The following NIN variants were observed in gnomAD, a reference collection of about 807,000 sequenced individuals.
NIN encodes ninein.
NIN carries 137 observed loss-of-function variants against 257.6 expected under a neutral mutation model. The observed-to-expected ratio is 0.53, with a 90% CI of 0.46 to 0.61. The LOEUF (loss-of-function observed/expected upper bound fraction) is 0.61, where lower values mean the gene tolerates loss of function less well. NIN is among the 20% of genes least tolerant of loss of function. NIN has a pLI of 0.00. For synonymous variants in NIN, 918 were observed against 919.8 expected, an observed-to-expected ratio of 1.00 and a Z score of 0.04; for missense variants, 2,439 against 2,501.2, an observed-to-expected ratio of 0.98 and a Z score of 0.53.
intron 7 of NIN, among the ~76,000 whole-genome samples, chr14:50,776,620 G>A (rs1370291209): frequency 6.6e-6 from 1 of 152,154 alleles, no homozygotes; most frequent in Non-Finnish European, 1.5e-5. Flanking sequence ...GCCTCCACAT[G>A]TTTCCCACAA....
At chr14:50,725,238 C>G (rs76315526) in intron 30 of NIN, among the ~76,000 whole-genome samples, 2 of 151,936 alleles carry the variant, frequency 1.3e-5, no homozygotes, top group Admixed American at 1.3e-4. Context: ...GCATTTTCTG[C>G]CCCCCACCCC....
chr14:50,743,142 T>A (rs936880824), intron 24 of NIN, among the ~76,000 whole-genome samples: 19 of 151,640 alleles, frequency 1.3e-4, no homozygotes, highest in African/African-American at 4.4e-4. Flanking sequence ...TTTTTTTTTT[T>A]AATTTTTAGT....
At position 50,757,367 on chromosome 14, in the gene NIN, T is replaced by A. The variant is rs1316649238; in HGVS notation, c.3663A>T (p.Lys1221Asn). Reference protein sequence around the residue: ...CADCDRASEKKQDLLFDVSVL... With the variant: ...CADCDRASEKNQDLLFDVSVL... Reference sequence around the variant, plus strand: ...CAGAAACATCAAAAAGTAGGTCCTGTTTCTTTTCAGAAGCTCGATCACAGT... The same window carrying A: ...CAGAAACATCAAAAAGTAGGTCCTGATTCTTTTCAGAAGCTCGATCACAGT... The change falls in exon 18 of 31, where the codon AAA becomes AAT. Residue 1221 changes from lysine to asparagine, a missense_variant. Physicochemically the swap from Lys to Asn is moderately conservative, Grantham distance 94. Transcript: ENST00000530997. 3 of 1,613,974 alleles carry A rather than the reference T, an allele frequency of 1.9e-6. No individual in the cohort carries two copies. The highest frequency in any genetic ancestry group is 2.5e-6 in the Non-Finnish European group (3 of 1,179,992).
At chr14:50,770,784 C>A in intron 11 of NIN, 68 bp downstream of exon 11, 4 of 1,539,600 alleles carry the variant, frequency 2.6e-6, no homozygotes, top group Non-Finnish European at 3.5e-6. Context: ...TCTGCCCCTG[C>A]AGCTGCAGGC....
At chr14:50,769,897 T>C (rs1372686165) in intron 12 of NIN, among the ~76,000 whole-genome samples, 2 of 148,492 alleles carry the variant, frequency 1.3e-5, no homozygotes, top group African/African-American at 5.0e-5. Flanking sequence ...AAGTTATAAC[T>C]GCACCGCTGC....
chr14:50,829,746 C>T (rs2045614515), intron 2 of NIN, among the ~76,000 whole-genome samples: 1 of 152,172 alleles, frequency 6.6e-6, no homozygotes, highest in South Asian at 2.1e-4. Flanking sequence ...GGTGCCTTCA[C>T]CTCGGGTTGT....
At position 50,743,407 on chromosome 14, in the gene NIN, T is replaced by C; in HGVS notation, c.5301+9A>G. On this transcript the variant is annotated intron_variant, in intron 24 of 30. Transcript: ENST00000530997. ...AACCGTGAAGATGAAACAAGAATTG[T>C]CCATGTACCTTTTCCTGAGAAGCCA... 1 of 1,530,522 alleles carries C rather than the reference T, an allele frequency of 6.5e-7. No individual in the cohort carries two copies. Among genetic ancestry groups the C allele is most frequent in the Non-Finnish European group, 9.1e-7 (1 of 1,103,722 alleles). 94.8% of individuals were successfully genotyped at this position (1,530,522 alleles called of 1,614,324 possible).
At chr14:50,817,943 T>A (rs111626816) in intron 3 of NIN, among the ~76,000 whole-genome samples, 221 of 151,862 alleles carry the variant, frequency 1.5e-3, no homozygotes, top group Middle Eastern at 6.8e-3. Context: ...CTCGAATTCC[T>A]GAGCTCCGGC....
At chr14:50,793,517 A>G (rs2043694315) in intron 4 of NIN, among the ~76,000 whole-genome samples, 2 of 152,200 alleles carry the variant, frequency 1.3e-5, no homozygotes, top group Admixed American at 6.5e-5. Context: ...ATAAAATAGC[A>G]AATGTGAAAC....
At chr14:50,820,002 T>C (rs866736760) in intron 3 of NIN, among the ~76,000 whole-genome samples, 1 of 152,218 alleles carries the variant, frequency 6.6e-6, no homozygotes, top group Non-Finnish European at 1.5e-5. Flanking sequence ...TAATAGCATA[T>C]GGCCAAGTCT....
chr14:50,723,836 G>T, intron 30 of NIN, 164 bp from the exon 31 acceptor site: 2 of 605,106 alleles, frequency 3.3e-6, no homozygotes, highest in Non-Finnish European at 5.8e-6. Context: ...TTGGCATCAG[G>T]GACACCATTG....
At chr14:50,767,255 C>T (rs1036157655) in intron 12 of NIN, among the ~76,000 whole-genome samples, 2 of 152,070 alleles carry the variant, frequency 1.3e-5, no homozygotes, top group African/African-American at 4.8e-5. Context: ...TTTTTGTATA[C>T]TGATAATGTG....
chr14:50,753,453 T>C (rs892164319), intron 20 of NIN, among the ~76,000 whole-genome samples: 1 of 152,230 alleles, frequency 6.6e-6, no homozygotes, highest in African/African-American at 2.4e-5. Flanking sequence ...CACCACATAC[T>C]ACTTTTTACT....
At chr14:50,811,254 G>A (rs1168928831) in intron 3 of NIN, among the ~76,000 whole-genome samples, 22 of 151,698 alleles carry the variant, frequency 1.5e-4, no homozygotes, top group Non-Finnish European at 1.3e-4. Context: ...GATTACAGGC[G>A]CCCACCACCA....
chr14:50,763,721 TTTTTTTC>T (rs1169592349), intron 15 of NIN, 98 bp downstream of exon 15: 1 of 990,062 alleles, frequency 1.0e-6, no homozygotes, highest in African/African-American at 1.6e-5. Context: ...TTCTTTTTTT[TTTTTTTC>T]TTTTTTCAAG....
chr14:50,820,708 C>T (rs1390135701), intron 3 of NIN, among the ~76,000 whole-genome samples: 2 of 152,148 alleles, frequency 1.3e-5, no homozygotes, highest in East Asian at 1.9e-4. Context: ...AACCCTCCCC[C>T]CGCCACAAGA....
intron 15 of NIN, among the ~76,000 whole-genome samples, chr14:50,762,555 A>C (rs2042314854): frequency 6.6e-6 from 1 of 152,200 alleles, no homozygotes; most frequent in African/African-American, 2.4e-5. Context: ...ATTTTAAAAA[A>C]CAGGGCATAG....
intron 3 of NIN, among the ~76,000 whole-genome samples, chr14:50,809,759 A>G (rs946326655): frequency 6.6e-6 from 1 of 152,238 alleles, no homozygotes; most frequent in Non-Finnish European, 1.5e-5. Flanking sequence ...ATTAACTTCC[A>G]AGGCTTTACA....
At chr14:50,741,537 T>C (rs1244925765) in intron 25 of NIN, 45 bp downstream of exon 25, 5 of 1,570,146 alleles carry the variant, frequency 3.2e-6, no homozygotes, top group Non-Finnish European at 3.5e-6. Flanking sequence ...ATTTGTATAC[T>C]TTACTGTAAA....
Sources: gnomAD v4.1 joint callset for allele counts (sites outside exome capture counted in the v4.1 genomes callset) on GRCh38, gnomAD v4.1.1 for gene constraint, MANE v1.5 for transcripts, NCBI Gene and HGNC (gene_info 2026-07-23, HGNC 2026-07-21) for gene names.